NBAS: variants seen among roughly 807,000 people sequenced by gnomAD.
NBAS encodes NAG/BC035112 fusion.
Under a neutral mutation model 302.5 loss-of-function variants are expected in NBAS, and 219 were observed. The observed-to-expected ratio is 0.72, with a 90% CI of 0.65 to 0.81. NBAS has a LOEUF of 0.81. NBAS is among the 30% of genes least tolerant of loss of function. The pLI is 0.00. For synonymous variants in NBAS, 1,118 were observed against 1,021.6 expected (o/e 1.09, Z -1.80); for missense variants, 2,932 against 2,841.6 (o/e 1.03, Z -0.72).
At chr2:15,310,292 T>C (rs1047940776) in intron 38 of NBAS, among the ~76,000 whole-genome samples, 8 of 152,216 alleles carry the variant, frequency 5.3e-5, no homozygotes, top group Admixed American at 3.9e-4. Context: ...GAAAACCTAC[T>C]GTGTCTTCCC....
At chr2:15,058,963 C>T in the NBAS span, among the ~76,000 whole-genome samples, 5 of 152,292 alleles carry the variant, frequency 3.3e-5, no homozygotes, top group South Asian at 1.0e-3. Context: ...CTACAAACAC[C>T]AGCTTCAGTA....
At chr2:15,288,253 T>G (rs1572594889) in intron 41 of NBAS, among the ~76,000 whole-genome samples, 1 of 152,316 alleles carries the variant, frequency 6.6e-6, no homozygotes, top group East Asian at 1.9e-4. Context: ...AACAAGCATT[T>G]TTCTTGAGGA....
At chr2:15,139,076 TAA>T in the NBAS span, among the ~76,000 whole-genome samples, 1 of 152,228 alleles carries the variant, frequency 6.6e-6, no homozygotes, top group Non-Finnish European at 1.5e-5. Context: ...ATGGATTTTG[TAA>T]AAGAGTCCAG....
the NBAS span, among the ~76,000 whole-genome samples, chr2:14,937,421 C>A: frequency 1.3e-5 from 2 of 152,140 alleles, no homozygotes; most frequent in Non-Finnish European, 2.9e-5. Context: ...CAGAAGCCTA[C>A]AATTCATGAG....
intron 35 of NBAS, among the ~76,000 whole-genome samples, chr2:15,336,471 C>A (rs1169120624): frequency 1.3e-5 from 2 of 152,124 alleles, no homozygotes; most frequent in African/African-American, 4.8e-5. Context: ...CGGTGGCTCA[C>A]GCCTGTAATC....
chr2:14,921,031 C>G, the NBAS span, among the ~76,000 whole-genome samples: 3 of 152,010 alleles, frequency 2.0e-5, no homozygotes. Context: ...TTTTGACATG[C>G]CTTTCTCACT....
At chr2:15,191,338 G>A (rs753073384) in intron 48 of NBAS, among the ~76,000 whole-genome samples, 32 of 152,236 alleles carry the variant, frequency 2.1e-4, no homozygotes, top group Admixed American at 6.5e-4. Flanking sequence ...CTGATCCCAA[G>A]AAGCCATCCG....
At chr2:15,164,315 A>G (rs530878508), downstream of NBAS, among the ~76,000 whole-genome samples, 1 of 152,374 alleles carries the variant, frequency 6.6e-6, no homozygotes, top group Non-Finnish European at 1.5e-5. Flanking sequence ...GGGACCTAGA[A>G]GTGCTCTGAT....
chr2:15,435,875 T>A (rs1456718881), intron 21 of NBAS, among the ~76,000 whole-genome samples: 1 of 152,164 alleles, frequency 6.6e-6, no homozygotes, highest in Non-Finnish European at 1.5e-5. Flanking sequence ...TAAAAGTAAA[T>A]ATTCTCTGAT....
At chr2:14,897,330 T>C in the NBAS span, among the ~76,000 whole-genome samples, 2 of 152,232 alleles carry the variant, frequency 1.3e-5, no homozygotes, top group East Asian at 3.8e-4. Flanking sequence ...GGAGAGAAGT[T>C]TGATAAATTA....
chr2:15,088,126 G>A, the NBAS span, among the ~76,000 whole-genome samples: 1 of 152,204 alleles, frequency 6.6e-6, no homozygotes, highest in Non-Finnish European at 1.5e-5. Context: ...GGGTGGGCAG[G>A]TCGAGCAGGA....
Position 15,214,184 on chromosome 2 carries a change from C to T in NBAS, c.6432+4589G>A, listed in dbSNP as rs559474472. On this transcript the variant is annotated intron_variant, in intron 48 of 51. Transcript: ENST00000281513. ...CTGCCATTTTAAGGGTGACCTTGGA[C>T]AAATTTTTAAAGATTTGATATTCAT... is the stretch of plus-strand genomic sequence containing the variant. Among the ~76,000 whole-genome samples the T allele has an allele frequency of 1.1e-4, 17 of 152,226 alleles. No homozygotes were observed. The South Asian group carries it at 2.5e-3, about 22-fold the overall frequency.
At chr2:15,492,038 G>A (rs1680879509) in intron 11 of NBAS, among the ~76,000 whole-genome samples, 1 of 152,154 alleles carries the variant, frequency 6.6e-6, no homozygotes, top group African/African-American at 2.4e-5. Context: ...AGTTTCATTA[G>A]ATGCCATGGT....
intron 2 of NBAS, among the ~76,000 whole-genome samples, chr2:15,557,714 T>A (rs989096008): frequency 6.6e-6 from 1 of 152,192 alleles, no homozygotes; most frequent in Non-Finnish European, 1.5e-5. Flanking sequence ...AGACATGCAG[T>A]CAAATTCCAA....
the NBAS span, among the ~76,000 whole-genome samples, chr2:14,912,162 A>G: frequency 2.0e-5 from 3 of 152,246 alleles, no homozygotes; most frequent in Non-Finnish European, 4.4e-5. Context: ...GAAAAGGTAC[A>G]GTAAAAATAT....
intron 15 of NBAS, among the ~76,000 whole-genome samples, chr2:15,473,705 C>A (rs1357942220): frequency 6.6e-6 from 1 of 152,194 alleles, no homozygotes; most frequent in Admixed American, 6.5e-5. Flanking sequence ...CTCGGCTTCC[C>A]AAGCAAGCCC....
intron 19 of NBAS, among the ~76,000 whole-genome samples, chr2:15,464,239 A>G (rs1679630669): frequency 1.3e-5 from 2 of 152,226 alleles, no homozygotes; most frequent in African/African-American, 2.4e-5. Context: ...AGTCTCTGTT[A>G]GGAACTTTTC....
intron 32 of NBAS, 150 bp downstream of exon 32, chr2:15,366,430 T>C (rs769059548): frequency 4.0e-6 from 3 of 743,676 alleles, no homozygotes; most frequent in African/African-American, 1.7e-5. Context: ...AAGATTTCAC[T>C]GCACTCCAGC....
the NBAS span, among the ~76,000 whole-genome samples, chr2:15,037,228 C>A: frequency 6.6e-6 from 1 of 152,170 alleles, no homozygotes. Flanking sequence ...CACTCAGGAG[C>A]CTGCATTCTA....
Sources: allele counts gnomAD v4.1 joint callset (sites outside exome capture counted in the v4.1 genomes callset), GRCh38; gene constraint gnomAD v4.1.1; transcripts MANE v1.5; gene names NCBI Gene and HGNC (gene_info 2026-07-23, HGNC 2026-07-21).